The following LTBP2 variants were observed in gnomAD, a reference collection of about 807,000 sequenced individuals.
The protein encoded by LTBP2 is latent-transforming growth factor beta-binding protein 2.
Under a neutral mutation model 210.6 loss-of-function variants are expected in LTBP2, and 103 were observed. The observed-to-expected ratio is 0.49, with a 90% CI of 0.42 to 0.58. LTBP2 has a LOEUF of 0.58. Among genes scored for constraint, LTBP2 ranks in the 20% least tolerant of loss-of-function variants. The pLI is 0.00. For synonymous variants in LTBP2, 1,007 were observed against 1,015.0 expected (o/e 0.99, Z 0.15); for missense variants, 2,313 against 2,494.5 (o/e 0.93, Z 1.55).
chr14:74,504,953 T>G (rs759666271), intron 29 of LTBP2, 30 bp downstream of exon 29: 2 of 1,274,758 alleles, frequency 1.6e-6, no homozygotes, highest in Admixed American at 3.6e-5. Flanking sequence ...GAGCTGACCC[T>G]TCGAGGATCT....
Position 74,534,472 on chromosome 14 carries a change from A to G in LTBP2, c.1864+1454T>C, listed in dbSNP as rs568676621. On this transcript the variant is annotated intron_variant, in intron 9 of 35. Coordinates refer to ENST00000261978, the MANE Select transcript of LTBP2 (RefSeq NM_000428.3). ...CCTCTTAGTTGGCCAACGTGTACTC[A>G]TTTTTAAAGTCTTGGCCTTAGGTAT... 2.0e-5 allele frequency among the ~76,000 whole-genome samples: 3 copies of G among 152,206 alleles called. No individual in the cohort carries two copies. The South Asian group carries it at 6.2e-4, about 32-fold the overall frequency.
chr14:74,550,112 T>A (rs2087631558), intron 7 of LTBP2, 147 bp from the exon 8 acceptor site: 2 of 667,820 alleles, frequency 3.0e-6, no homozygotes, highest in East Asian at 5.4e-5. Flanking sequence ...GAGAAGGGAG[T>A]CAGCCCATAT....
In LTBP2 at chr14:74,525,038, T is replaced by A. The variant is rs862032; in HGVS notation, c.2530+86A>T. On this transcript the variant is annotated intron_variant, in intron 15 of 35. Transcript: ENST00000261978. ...TTGGAAAGGTGAGGGGGCATTCCATTCATGCCCCTGCCCTGGAGTTGGCTC... is the reference window on the plus strand; with the variant it reads ...TTGGAAAGGTGAGGGGGCATTCCATACATGCCCCTGCCCTGGAGTTGGCTC... 30,994 of 703,986 alleles carry A rather than the reference T, an allele frequency of 0.044. 1,464 individuals are homozygous for A. Among genetic ancestry groups the A allele is most frequent in the South Asian group, 0.15 (2,995 of 19,372 alleles). The allele number at this position is 703,986 out of a possible 1,614,324, so 43.6% of individuals were successfully genotyped here.
At chr14:74,554,523 G>C (rs114690727) in intron 4 of LTBP2, among the ~76,000 whole-genome samples, 4 of 152,082 alleles carry the variant, frequency 2.6e-5, no homozygotes, top group African/African-American at 9.7e-5. Context: ...GAGAAGAAAA[G>C]AAAATGTAAC....
In LTBP2 at chr14:74,611,789, T is replaced by C; in HGVS notation, c.156A>G (p.Arg52=). Residue 52 remains arginine, a synonymous_variant, in exon 1 of 36, where the codon CGA becomes CGG. Coordinates refer to ENST00000261978, the MANE Select transcript of LTBP2 (RefSeq NM_000428.3). ...GGTAGCTGCCCCCAGGGCGCCGCAGTCGATTCGCGTCTCCACCAGCCGGCT... is the reference window on the plus strand; with the variant it reads ...GGTAGCTGCCCCCAGGGCGCCGCAGCCGATTCGCGTCTCCACCAGCCGGCT... ...RYEPAGGDAN[R]LRRPGGSYPA... is the part of the protein sequence containing the mutation. The C allele has an allele frequency of 1.2e-6, 2 of 1,610,788 alleles. No homozygotes were observed. The highest frequency in any genetic ancestry group is 1.7e-6 in the Non-Finnish European group (2 of 1,179,578).
rs1475005706 is a variant in LTBP2 at position 74,522,795 on chromosome 14, C to G, written c.2654G>C (p.Cys885Ser). The G allele has an allele frequency of 6.2e-7, 1 of 1,610,706 alleles. No individual in the cohort carries two copies. Among genetic ancestry groups the G allele is most frequent in the Non-Finnish European group, 8.5e-7 (1 of 1,178,794 alleles). Residue 885 changes from cysteine to serine, a missense_variant, in exon 16 of 36, where the codon TGC (cysteine) becomes TCC (serine). Physicochemically the swap from Cys to Ser is moderately radical, Grantham distance 112. Coordinates refer to ENST00000261978, the MANE Select transcript of LTBP2 (RefSeq NM_000428.3). Reference protein sequence around the residue: ...GYQLHPSQAYCTDDNECLRDP... With the variant: ...GYQLHPSQAYSTDDNECLRDP... ...CAGGGCACCCAAGTGAATACCTGTGCAGTAGGCCTGGCTGGGGTGCAGCTG... is the reference window on the plus strand; with the variant it reads ...CAGGGCACCCAAGTGAATACCTGTGGAGTAGGCCTGGCTGGGGTGCAGCTG...
intron 22 of LTBP2, 21 bp from the exon 23 acceptor site, chr14:74,508,973 G>C: frequency 6.2e-7 from 1 of 1,612,416 alleles, no homozygotes; most frequent in Non-Finnish European, 8.5e-7. Flanking sequence ...ACACAGGGGA[G>C]GAAGACAGCC....
intron 18 of LTBP2, among the ~76,000 whole-genome samples, chr14:74,515,229 A>G (rs1172054241): frequency 6.6e-6 from 1 of 150,684 alleles, no homozygotes; most frequent in Non-Finnish European, 1.5e-5. Flanking sequence ...TGCCCTTCAC[A>G]CAGACTGGTT....
intron 8 of LTBP2, among the ~76,000 whole-genome samples, chr14:74,544,625 C>T (rs1268996418): frequency 6.6e-6 from 1 of 152,150 alleles, no homozygotes; most frequent in East Asian, 1.9e-4. Context: ...AGAGCTACAC[C>T]TATAACTCTC....
chr14:74,548,886 A>G (rs1395574828), intron 8 of LTBP2, among the ~76,000 whole-genome samples: 1 of 152,248 alleles, frequency 6.6e-6, no homozygotes, highest in Non-Finnish European at 1.5e-5. Flanking sequence ...TGTGTTAGAC[A>G]TTTAAGCCTG....
At chr14:74,541,073 C>T (rs998776346) in intron 8 of LTBP2, among the ~76,000 whole-genome samples, 4 of 150,244 alleles carry the variant, frequency 2.7e-5, no homozygotes, top group Non-Finnish European at 5.9e-5. Flanking sequence ...GCAGGTGACA[C>T]CTGTCACCGT....
chr14:74,595,640 A>G (rs1226539751), intron 2 of LTBP2, among the ~76,000 whole-genome samples: 1 of 152,114 alleles, frequency 6.6e-6, no homozygotes, highest in African/African-American at 2.4e-5. Flanking sequence ...GGATGAGAAC[A>G]CCACCCCAAA....
At chr14:74,516,775 G>C in intron 18 of LTBP2, 47 bp downstream of exon 18, 1 of 1,524,490 alleles carries the variant, frequency 6.6e-7, no homozygotes, top group South Asian at 1.2e-5. Context: ...GGGAGGGACA[G>C]GTGGGTGGTG....
At chr14:74,528,858 TCA>T (rs1448100420) in intron 11 of LTBP2, 98 bp downstream of exon 11, 3 of 1,532,286 alleles carry the variant, frequency 2.0e-6, no homozygotes, top group African/African-American at 2.7e-5. Flanking sequence ...GAAGGCTACT[TCA>T]GTCTTCCAGA....
intron 3 of LTBP2, among the ~76,000 whole-genome samples, chr14:74,570,252 C>T (rs2087957933): frequency 6.6e-6 from 1 of 152,184 alleles, no homozygotes; most frequent in Non-Finnish European, 1.5e-5. Flanking sequence ...GAGTTCCCAG[C>T]TCATGGCCTT....
rs533068754 is a variant in LTBP2, at chr14:74,551,009, G to A, written c.1686+55C>T. ...CAGAGAGGAGGAGAAGGGCAGACTG[G>A]GGACAACTGCCATCCTGGAAGCATC... On this transcript the variant is annotated intron_variant, in intron 7 of 35. Coordinates refer to ENST00000261978, the MANE Select transcript of LTBP2 (RefSeq NM_000428.3). 3.1e-6 allele frequency: 5 copies of A among 1,600,110 alleles called. No individual in the cohort carries two copies. In the Admixed American group the frequency reaches 5.0e-5, roughly 16 times the overall value.
chr14:74,517,196 T>C (rs988457322), intron 17 of LTBP2, among the ~76,000 whole-genome samples: 1 of 152,098 alleles, frequency 6.6e-6, no homozygotes, highest in African/African-American at 2.4e-5. Context: ...CCCATGGGGA[T>C]CCTTACAACT....
chr14:74,593,205 G>C (rs2088306364), intron 2 of LTBP2, among the ~76,000 whole-genome samples: 1 of 152,110 alleles, frequency 6.6e-6, no homozygotes, highest in African/African-American at 2.4e-5. Context: ...CCTACTTTTG[G>C]GAAGGGACCA....
intron 3 of LTBP2, among the ~76,000 whole-genome samples, chr14:74,564,075 T>TTA (rs1202915903): frequency 1.9e-4 from 4 of 20,788 alleles, no homozygotes; most frequent in Admixed American, 1.7e-3. Context: ...ATATATATAT[T>TTA]TATATATATA....
Sources: allele counts gnomAD v4.1 joint callset (sites outside exome capture counted in the v4.1 genomes callset), GRCh38; gene constraint gnomAD v4.1.1; transcripts MANE v1.5; gene names NCBI Gene and HGNC (gene_info 2026-07-23, HGNC 2026-07-21).